Variants in SMCO2 observed in about 807,000 individuals in gnomAD.
The protein encoded by SMCO2 is single-pass membrane protein with coiled-coil domains 2, also known as single-pass membrane and coiled-coil domain-containing protein 2.
In SMCO2, 25 loss-of-function variants were observed where a neutral mutation model predicts 29.5. The observed-to-expected ratio is 0.85, with a 90% CI of 0.62 to 1.18. The LOEUF is 1.18. Ranked by LOEUF, SMCO2 falls within the 50% of genes most tolerant of loss-of-function variation. The probability of loss-of-function intolerance (pLI) is 0.00; values close to 1 mark genes in which losing one functional copy is unlikely to be tolerated. For synonymous variants in SMCO2, 117 were observed against 123.3 expected, an observed-to-expected ratio of 0.95 and a Z score of 0.34; for missense variants, 348 against 344.5, an observed-to-expected ratio of 1.01 and a Z score of -0.08.
chr12:27,477,210 GTTTTTTTTTTT>G (rs770789669), intron 4 of SMCO2, among the ~76,000 whole-genome samples: 5 of 62,670 alleles, frequency 8.0e-5, no homozygotes, highest in Admixed American at 5.5e-4. Flanking sequence ...TGGCTGTCAG[GTTTTTTTTTTT>G]TTTTTTTTTT....
At chr12:27,499,603 A>G (rs1424698679) in intron 7 of SMCO2, among the ~76,000 whole-genome samples, 1 of 150,698 alleles carries the variant, frequency 6.6e-6, no homozygotes, top group Non-Finnish European at 1.5e-5. Context: ...ATAACTCCAA[A>G]CCAACCAACC....
upstream of SMCO2, among the ~76,000 whole-genome samples, chr12:27,461,893 C>T (rs898809609): frequency 3.3e-5 from 5 of 152,200 alleles, no homozygotes; most frequent in Non-Finnish European, 7.3e-5. Context: ...ATCCAGGCTA[C>T]CCTTCTGTAG....
chr12:27,449,319 T>C, the SMCO2 span, among the ~76,000 whole-genome samples: 2 of 152,266 alleles, frequency 1.3e-5, no homozygotes, highest in African/African-American at 4.8e-5. Context: ...AAACATTTCA[T>C]ACTTTCGTTA....
exon 8 of SMCO2, chr12:27,502,168 A>G: frequency 7.2e-7 from 1 of 1,396,536 alleles, no homozygotes. Context: ...ACCAGTAAAC[A>G]TTGTGGCTGT....
the SMCO2 span, among the ~76,000 whole-genome samples, chr12:27,430,033 C>T: frequency 6.6e-6 from 1 of 152,132 alleles, no homozygotes; most frequent in African/African-American, 2.4e-5. Flanking sequence ...TTATTTTGGC[C>T]TCTAATAAGA....
At chr12:27,477,408 C>G (rs1313389524) in intron 4 of SMCO2, among the ~76,000 whole-genome samples, 1 of 151,596 alleles carries the variant, frequency 6.6e-6, no homozygotes, top group African/African-American at 2.4e-5. Context: ...CTGTCATGAG[C>G]CTTGGAGAAG....
intron 4 of SMCO2, among the ~76,000 whole-genome samples, chr12:27,478,370 T>G (rs982049745): frequency 1.3e-5 from 2 of 152,014 alleles, no homozygotes; most frequent in African/African-American, 2.4e-5. Context: ...GTGGTTAGTC[T>G]GGGTGGGCCA....
At chr12:27,443,756 A>G in the SMCO2 span, among the ~76,000 whole-genome samples, 1 of 152,218 alleles carries the variant, frequency 6.6e-6, no homozygotes, top group South Asian at 2.1e-4. Flanking sequence ...CTAGGAATCA[A>G]TCTAACCAAA....
intron 4 of SMCO2, among the ~76,000 whole-genome samples, chr12:27,483,022 C>T (rs1949658828): frequency 6.6e-6 from 1 of 152,196 alleles, no homozygotes; most frequent in African/African-American, 2.4e-5. Context: ...CCACCGTGCC[C>T]AGCCAACTCC....
At chr12:27,433,008 T>TTTGC in the SMCO2 span, among the ~76,000 whole-genome samples, 1 of 152,200 alleles carries the variant, frequency 6.6e-6, no homozygotes, top group African/African-American at 2.4e-5. Flanking sequence ...TTCTCCAGTA[T>TTTGC]TTGCTACAGA....
intron 7 of SMCO2, chr12:27,497,621 T>A (rs767224964): frequency 6.6e-6 from 1 of 151,536 alleles, no homozygotes; most frequent in African/African-American, 2.6e-5. Flanking sequence ...TTTTACCTAC[T>A]GGGGAGGCTG....
At chr12:27,466,428 T>C (rs1949499112), upstream of SMCO2, among the ~76,000 whole-genome samples, 1 of 151,692 alleles carries the variant, frequency 6.6e-6, no homozygotes, top group Admixed American at 6.6e-5. Flanking sequence ...TAAAATAAAA[T>C]AAAAAAAGGA....
At chr12:27,459,718 G>A in the SMCO2 span, among the ~76,000 whole-genome samples, 1 of 152,174 alleles carries the variant, frequency 6.6e-6, no homozygotes, top group African/African-American at 2.4e-5. Flanking sequence ...ATCATTTAGG[G>A]TGTGGGCTTC....
the SMCO2 span, among the ~76,000 whole-genome samples, chr12:27,434,280 T>C: frequency 5.3e-5 from 8 of 152,324 alleles, no homozygotes; most frequent in Admixed American, 2.0e-4. Flanking sequence ...ACTCTGAATA[T>C]GGGGCCCAGA....
chr12:27,442,951 A>G, the SMCO2 span, among the ~76,000 whole-genome samples: 1 of 152,172 alleles, frequency 6.6e-6, no homozygotes, highest in Non-Finnish European at 1.5e-5. Context: ...ACTAATACCA[A>G]TACCAACCCT....
At chr12:27,463,364 A>G (rs148904268), upstream of SMCO2, among the ~76,000 whole-genome samples, 2 of 152,240 alleles carry the variant, frequency 1.3e-5, no homozygotes, top group Non-Finnish European at 2.9e-5. Flanking sequence ...TCCAGGGTTC[A>G]AGCAATTCTC....
At chr12:27,455,001 A>G in the SMCO2 span, among the ~76,000 whole-genome samples, 3 of 152,158 alleles carry the variant, frequency 2.0e-5, no homozygotes, top group Non-Finnish European at 4.4e-5. Flanking sequence ...ATCAATTCCT[A>G]TCGTTGAACT....
At chr12:27,441,860 G>C in the SMCO2 span, among the ~76,000 whole-genome samples, 91 of 152,308 alleles carry the variant, frequency 6.0e-4, no homozygotes, top group African/African-American at 2.0e-3. Context: ...ATCATGTCAA[G>C]TATCTTCTCT....
At chr12:27,449,315 T>G in the SMCO2 span, among the ~76,000 whole-genome samples, 1 of 152,248 alleles carries the variant, frequency 6.6e-6, no homozygotes, top group African/African-American at 2.4e-5. Context: ...GAACAAACAT[T>G]TCATACTTTC....
Sources: gnomAD v4.1 joint callset for allele counts (sites outside exome capture counted in the v4.1 genomes callset) on GRCh38, gnomAD v4.1.1 for gene constraint, MANE v1.5 for transcripts, NCBI Gene and HGNC (gene_info 2026-07-23, HGNC 2026-07-21) for gene names.